The following RRP1B variants were observed in gnomAD, a reference collection of about 807,000 sequenced individuals.
RRP1B encodes the protein ribosomal RNA processing protein 1 homolog B.
Under a neutral mutation model 80.2 loss-of-function variants are expected in RRP1B, and 56 were observed. The ratio of observed to expected loss-of-function variants is 0.70; its 90% CI spans 0.56 to 0.87. The LOEUF is 0.87. Among genes scored for constraint, RRP1B ranks in the 40% least tolerant of loss-of-function variants. RRP1B has a pLI of 0.00. For synonymous variants in RRP1B, 351 were observed against 357.6 expected (o/e 0.98, Z 0.21); for missense variants, 807 against 939.8 (o/e 0.86, Z 1.85).
At position 43,684,570 on chromosome 21, in the gene RRP1B, T is replaced by G. The variant is rs1233963673; in HGVS notation, c.909T>G (p.Val303=). The G allele has an allele frequency of 1.2e-6, 2 of 1,614,152 alleles. No individual in the cohort carries two copies. The highest frequency in any genetic ancestry group is 3.3e-5 in the Admixed American group (2 of 60,020). Residue 303 remains valine (V), a synonymous_variant, in exon 10 of 16, where the codon GTT becomes GTG. Transcript: ENST00000340648. The part of the protein sequence containing the change: ...GPLLQFDYKA[V]ADRLLEMTSR... ...CTGCCTAGTTTGACTATAAGGCTGT[T>G]GCTGATCGACTCCTGGAAATGACCA...
chr21:43,665,230 T>C (rs548021275), intron 1 of RRP1B, among the ~76,000 whole-genome samples: 1 of 152,346 alleles, frequency 6.6e-6, no homozygotes, highest in East Asian at 1.9e-4. Context: ...AAATATGCTG[T>C]TTTTAAGTGA....
intron 8 of RRP1B, among the ~76,000 whole-genome samples, chr21:43,682,955 C>T (rs1326683894): frequency 6.6e-6 from 1 of 152,218 alleles, no homozygotes; most frequent in Admixed American, 6.5e-5. Flanking sequence ...TCACTGCAAC[C>T]TCTGCCTCCT....
intron 1 of RRP1B, among the ~76,000 whole-genome samples, chr21:43,668,534 A>AT (rs753374616): frequency 2.0e-5 from 3 of 151,296 alleles, no homozygotes; most frequent in Admixed American, 2.0e-4. Flanking sequence ...TACCCGGCTA[A>AT]TTTTTTTTGT....
chr21:43,665,842 C>T (rs2082976267), intron 1 of RRP1B, among the ~76,000 whole-genome samples: 1 of 152,208 alleles, frequency 6.6e-6, no homozygotes, highest in Non-Finnish European at 1.5e-5. Flanking sequence ...GCTTGTACAG[C>T]CTGCAGAGCC....
chr21:43,669,024 GCCCTGA>G (rs1251776278), intron 1 of RRP1B, among the ~76,000 whole-genome samples: 1 of 152,254 alleles, frequency 6.6e-6, no homozygotes, highest in African/African-American at 2.4e-5. Flanking sequence ...CAGAGGTAGA[GCCCTGA>G]GTAGCTAGAG....
Position 43,676,588 on chromosome 21 carries a change from G to A in RRP1B, c.615-145G>A, listed in dbSNP as rs2083023540. 4 of 772,292 alleles carry A rather than the reference G, an allele frequency of 5.2e-6. No homozygotes were observed. The Admixed American group carries it at 8.7e-5, about 17-fold the overall frequency. The allele number at this position is 772,292 out of a possible 1,614,324, so 47.8% of individuals were successfully genotyped here. ...TCCCGTGCCTGTCGGGTGGCACTTA[G>A]GCAGTTCCTCTCAGATGCTTGCTGG... is the stretch of plus-strand genomic sequence containing the variant. On this transcript the variant is annotated intron_variant, in intron 7 of 15. Transcript: ENST00000340648.
At position 43,676,945 on chromosome 21, in the gene RRP1B, T is replaced by G. The variant is rs370662414; in HGVS notation, c.796+31T>G. 28 of 1,599,226 alleles carry G rather than the reference T, an allele frequency of 1.8e-5. 1 individual carries two copies. The highest frequency in any genetic ancestry group is 3.3e-5 in the South Asian group (3 of 89,834). ...AGGATGTTCTTGGTCAGTGTAGCTT[T>G]CTTTCTGCTAAAATCCTCCTCAGAC... On this transcript the variant is annotated intron_variant, in intron 8 of 15. Transcript: ENST00000340648.
intron 2 of RRP1B, among the ~76,000 whole-genome samples, chr21:43,671,626 C>G (rs2082999774): frequency 6.6e-6 from 1 of 152,126 alleles, no homozygotes; most frequent in African/African-American, 2.4e-5. Context: ...CCTCGGCCTC[C>G]CAAAGTGCTC....
intron 8 of RRP1B, among the ~76,000 whole-genome samples, chr21:43,681,901 T>C (rs748948702): frequency 1.3e-5 from 2 of 152,172 alleles, no homozygotes; most frequent in Non-Finnish European, 2.9e-5. Flanking sequence ...CCGTGAATCA[T>C]GATCGTGTCA....
Position 43,695,856 on chromosome 21 carries a change from C to T in RRP1B, c.*2473C>T, listed in dbSNP as rs973697985. ...GTTATCCTTTCTAATTTTTACTGAA[C>T]TGAAAGCACAAAGAAGACTACACAG... On this transcript the variant is annotated 3_prime_UTR_variant, in exon 16 of 16. Coordinates refer to ENST00000340648, the MANE Select transcript of RRP1B (RefSeq NM_015056.3). 6.6e-6 allele frequency: 1 copy of T among 152,166 alleles called. No homozygotes were observed. The highest frequency in any genetic ancestry group is 2.4e-5 in the African/African-American group (1 of 41,416). 9.4% of individuals were successfully genotyped at this position (152,166 alleles called of 1,614,324 possible).
rs368268462 is a variant in RRP1B, at chr21:43,693,164, T to C, written c.2084-26T>C. The C allele has an allele frequency of 1.1e-5, 17 of 1,612,540 alleles. No homozygotes were observed. The African/African-American group carries it at 1.2e-4, about 11-fold the overall frequency. On this transcript the variant is annotated intron_variant, in intron 15 of 15. Transcript: ENST00000340648. This position sits in a 1 kb window ranked among gnomAD's most constrained non-coding sequence, Gnocchi z 4.1. ...GGACAGCTGTCGGACCCACTTAATATGGGGCCTTGCTCTCATTTGGGACAG... is the reference window on the plus strand; with the variant it reads ...GGACAGCTGTCGGACCCACTTAATACGGGGCCTTGCTCTCATTTGGGACAG...
chr21:43,681,294 A>G (rs536469050), intron 8 of RRP1B, among the ~76,000 whole-genome samples: 4 of 143,904 alleles, frequency 2.8e-5, no homozygotes, highest in Admixed American at 2.7e-4. Context: ...ATAGATAGAT[A>G]GATAGATAGA....
In RRP1B at chr21:43,687,690, T is replaced by C. The variant is rs200385720; in HGVS notation, c.1316T>C (p.Leu439Pro). 12 of 1,608,900 alleles carry C rather than the reference T, an allele frequency of 7.5e-6. No homozygotes were observed. Among genetic ancestry groups the C allele is most frequent in the Admixed American group, 5.0e-5 (3 of 59,808 alleles). The change falls in exon 13 of 16, where the codon CTG (leucine) becomes CCG (proline). Residue 439 changes from leucine (L) to proline (P), a missense_variant. Coordinates refer to ENST00000340648, the MANE Select transcript of RRP1B (RefSeq NM_015056.3). The part of the protein sequence containing the change: ...REPEASGLKA[L>P]KARVAEPGAE... ...CCCGAGGCCTCTGGGCTGAAAGCCC[T>C]GAAGGCACGTGTGGCCGAGCCAGGT...
chr21:43,670,781 C>T (rs1250276827), intron 2 of RRP1B, among the ~76,000 whole-genome samples: 1 of 152,058 alleles, frequency 6.6e-6, no homozygotes, highest in Non-Finnish European at 1.5e-5. Context: ...GACTGGACAC[C>T]CCTGAGGTAG....
At chr21:43,685,706 A>G in intron 10 of RRP1B, 64 bp from the exon 11 acceptor site, 2 of 1,214,470 alleles carry the variant, frequency 1.6e-6, no homozygotes, top group Non-Finnish European at 2.2e-6. Context: ...CAGAAGACAG[A>G]AGGGATTTCT....
At chr21:43,677,201 C>G (rs946197527) in intron 8 of RRP1B, among the ~76,000 whole-genome samples, 14 of 152,164 alleles carry the variant, frequency 9.2e-5, no homozygotes, top group African/African-American at 3.4e-4. Context: ...ACTGCTAGTG[C>G]TTTTTGTTTG....
rs915110733 is a variant in RRP1B at position 43,694,670 on chromosome 21, C to T, written c.*1287C>T. The T allele has an allele frequency of 6.6e-6, 1 of 152,356 alleles. No individual in the cohort carries two copies. Among genetic ancestry groups the T allele is most frequent in the Admixed American group, 6.5e-5 (1 of 15,288 alleles). The allele number at this position is 152,356 out of a possible 1,614,324, so 9.4% of individuals were successfully genotyped here. A position where few individuals can be genotyped will look rare whatever the true frequency, so the allele number is the denominator to read the frequency against. On this transcript the variant is annotated 3_prime_UTR_variant, in exon 16 of 16. Transcript: ENST00000340648. ...TGCTCAGGCCTGGAAGTGAAAGCCG[C>T]CTCCTTCCCGTTATGCCCCCCATAC...
chr21:43,671,598 A>G (rs1182826004), intron 2 of RRP1B, among the ~76,000 whole-genome samples: 1 of 151,450 alleles, frequency 6.6e-6, no homozygotes, highest in African/African-American at 2.4e-5. Context: ...GAACTCCTGG[A>G]CTCGAGCGAT....
chr21:43,676,587 A>G (rs935159068), intron 7 of RRP1B, 146 bp from the exon 8 acceptor site: 1 of 763,714 alleles, frequency 1.3e-6, no homozygotes, highest in African/African-American at 1.8e-5. Context: ...GGTGGCACTT[A>G]GGCAGTTCCT....
Sources: gnomAD v4.1 joint callset for allele counts (sites outside exome capture counted in the v4.1 genomes callset) on GRCh38, gnomAD v4.1.1 for gene constraint, Gnocchi (gnomAD v3.1) non-coding constraint, MANE v1.5 for transcripts, NCBI Gene and HGNC (gene_info 2026-07-23, HGNC 2026-07-21) for gene names.